Variants in NBEA observed in about 807,000 individuals in gnomAD.
NBEA encodes the protein lysosomal-trafficking regulator 2.
A neutral mutation model predicts 343.4 loss-of-function variants in NBEA; 44 were observed. The observed-to-expected ratio is 0.13, with a 90% confidence interval of 0.10 to 0.16. NBEA has a LOEUF of 0.16. NBEA is among the 10% of genes least tolerant of loss of function. NBEA has a pLI of 1.00. For missense variants in NBEA, 2,555 were observed against 3,631.3 expected, an observed-to-expected ratio of 0.70 and a Z score of 7.62; for synonymous variants, 1,175 against 1,238.7, an observed-to-expected ratio of 0.95 and a Z score of 1.08.
chr13:35,200,267 T>C (rs1196513946), intron 31 of NBEA, among the ~76,000 whole-genome samples: 1 of 152,002 alleles, frequency 6.6e-6, no homozygotes, highest in African/African-American at 2.4e-5. Flanking sequence ...TGTGTAACTT[T>C]TACTTTGGAG....
At chr13:35,287,516 A>AT (rs1464380632) in intron 34 of NBEA, among the ~76,000 whole-genome samples, 2 of 152,028 alleles carry the variant, frequency 1.3e-5, no homozygotes, top group East Asian at 3.9e-4. Flanking sequence ...AAACACTCTT[A>AT]TAGTCTATTC....
At chr13:35,667,606 G>A in intron 57 of NBEA, 36 bp downstream of exon 57, 1 of 1,540,774 alleles carries the variant, frequency 6.5e-7, no homozygotes, top group Non-Finnish European at 9.0e-7. Context: ...TAGGACTGAA[G>A]CCAAGAGATT....
intron 1 of NBEA, among the ~76,000 whole-genome samples, chr13:34,964,144 C>A (rs1379919621): frequency 6.6e-6 from 1 of 151,968 alleles, no homozygotes; most frequent in Non-Finnish European, 1.5e-5. Context: ...TGTCTCGAAT[C>A]CAAGCTATAC....
At chr13:35,465,808 G>A (rs2075364047) in intron 40 of NBEA, among the ~76,000 whole-genome samples, 1 of 149,970 alleles carries the variant, frequency 6.7e-6, no homozygotes. Context: ...CATTGCCTTT[G>A]CAGAAAATGC....
chr13:35,649,942 A>G (rs2084435504), intron 52 of NBEA, 95 bp downstream of exon 52: 3 of 1,223,264 alleles, frequency 2.5e-6, no homozygotes, highest in Non-Finnish European at 3.4e-6. Flanking sequence ...CTCATATCCC[A>G]CATTATCTAC....
intron 38 of NBEA, among the ~76,000 whole-genome samples, chr13:35,377,155 C>T (rs910483890): frequency 6.6e-6 from 1 of 152,100 alleles, no homozygotes; most frequent in Non-Finnish European, 1.5e-5. Flanking sequence ...AGAGAAGAAA[C>T]AGATGTCTCC....
intron 17 of NBEA, among the ~76,000 whole-genome samples, chr13:35,128,215 C>T (rs1191493436): frequency 1.3e-5 from 2 of 150,802 alleles, no homozygotes; most frequent in Non-Finnish European, 3.0e-5. Context: ...TGCACATGTA[C>T]CCTAAAACTT....
chr13:35,165,028 G>C, intron 24 of NBEA: 1 of 527,758 alleles, frequency 1.9e-6, no homozygotes, highest in Non-Finnish European at 3.9e-6. Context: ...TTCAGACCAA[G>C]GCAGACTCCA....
chr13:35,188,383 T>C (rs768583973), intron 30 of NBEA, among the ~76,000 whole-genome samples: 1 of 152,128 alleles, frequency 6.6e-6, no homozygotes, highest in Non-Finnish European at 1.5e-5. Flanking sequence ...AACTGAAACA[T>C]TGGTCCTTTT....
intron 30 of NBEA, among the ~76,000 whole-genome samples, chr13:35,187,572 C>A (rs1464088615): frequency 2.0e-5 from 3 of 151,578 alleles, no homozygotes; most frequent in African/African-American, 7.3e-5. Context: ...AGTTAAAATG[C>A]CTTAACATGG....
chr13:35,550,396 A>T (rs2079260438), intron 41 of NBEA, 81 bp from the exon 42 acceptor site: 4 of 749,610 alleles, frequency 5.3e-6, no homozygotes, highest in South Asian at 4.4e-5. Context: ...TAGTTTTCTG[A>T]CTTTTACTAA....
chr13:35,428,028 C>G (rs1326093984), intron 38 of NBEA, among the ~76,000 whole-genome samples: 1 of 152,200 alleles, frequency 6.6e-6, no homozygotes, highest in Admixed American at 6.5e-5. Flanking sequence ...CAGGTGCCAT[C>G]TGTCACCCAT....
intron 31 of NBEA, among the ~76,000 whole-genome samples, chr13:35,196,923 C>T (rs998416465): frequency 2.0e-5 from 3 of 151,986 alleles, no homozygotes; most frequent in Admixed American, 1.3e-4. Context: ...TATAACATGG[C>T]CCATATGTCA....
intron 35 of NBEA, among the ~76,000 whole-genome samples, chr13:35,308,968 C>CT (rs200088493): frequency 0.041 from 6,276 of 151,478 alleles, 151 homozygotes; most frequent in South Asian, 0.078. Context: ...AGGTTTACTA[C>CT]TTTTTTTTAC....
At chr13:35,642,434 A>G (rs916572836) in intron 49 of NBEA, among the ~76,000 whole-genome samples, 27 of 152,340 alleles carry the variant, frequency 1.8e-4, no homozygotes, top group Admixed American at 5.2e-4. Flanking sequence ...GTCTCTTTCC[A>G]TATACATTAT....
intron 41 of NBEA, among the ~76,000 whole-genome samples, chr13:35,543,484 CT>C (rs1477522871): frequency 1.3e-5 from 2 of 152,124 alleles, no homozygotes; most frequent in African/African-American, 4.8e-5. Context: ...AACTTCTCCT[CT>C]TTGAAAGTAA....
At chr13:35,170,283 A>T (rs575518664) in intron 25 of NBEA, among the ~76,000 whole-genome samples, 3 of 151,802 alleles carry the variant, frequency 2.0e-5, no homozygotes, top group African/African-American at 4.8e-5. Context: ...TACCTATTAC[A>T]TATGCTAACC....
intron 34 of NBEA, among the ~76,000 whole-genome samples, chr13:35,263,270 G>A (rs529906573): frequency 1.3e-5 from 2 of 151,288 alleles, no homozygotes; most frequent in South Asian, 2.1e-4. Flanking sequence ...ACATGCAAAA[G>A]AATGTAGCTG....
At chr13:35,330,951 T>C (rs938446768) in intron 36 of NBEA, among the ~76,000 whole-genome samples, 4 of 151,962 alleles carry the variant, frequency 2.6e-5, no homozygotes, top group African/African-American at 9.7e-5. Flanking sequence ...AGTAAATTGG[T>C]TCATCCTTCA....
Sources: gnomAD v4.1 joint callset for allele counts (sites outside exome capture counted in the v4.1 genomes callset) on GRCh38, gnomAD v4.1.1 for gene constraint, MANE v1.5 for transcripts, NCBI Gene and HGNC (gene_info 2026-07-23, HGNC 2026-07-21) for gene names.